Variants in DPP10 observed in about 807,000 individuals in gnomAD.
DPP10 encodes the protein dipeptidyl peptidase like 10.
A neutral mutation model predicts 120.9 loss-of-function variants in DPP10; 33 were observed. The ratio of observed to expected loss-of-function variants is 0.27; its 90% CI spans 0.21 to 0.37. The LOEUF (loss-of-function observed/expected upper bound fraction) is 0.37, where lower values mean the gene tolerates loss of function less well. Ranked by LOEUF, DPP10 falls within the 10% of genes least tolerant of loss-of-function variation. The pLI is 1.00. For missense variants in DPP10, 816 were observed against 942.8 expected, an observed-to-expected ratio of 0.87 and a Z score of 1.76; for synonymous variants, 337 against 326.1, an observed-to-expected ratio of 1.03 and a Z score of -0.36.
chr2:114,943,773 G>T (rs954829032), intron 1 of DPP10, among the ~76,000 whole-genome samples: 1 of 152,116 alleles, frequency 6.6e-6, no homozygotes, highest in African/African-American at 2.4e-5. Flanking sequence ...AGTTATAAAA[G>T]TATTTTAAAA....
intron 1 of DPP10, chr2:114,834,179 C>T (rs1574299770): frequency 7.2e-6 from 1 of 138,358 alleles, no homozygotes; most frequent in South Asian, 2.3e-4. Flanking sequence ...GCCATATCTA[C>T]ACACCTATGT....
At chr2:115,160,699 G>A (rs1410301525) in intron 1 of DPP10, among the ~76,000 whole-genome samples, 1 of 152,336 alleles carries the variant, frequency 6.6e-6, no homozygotes, top group East Asian at 1.9e-4. Context: ...GCGCCCTAGG[G>A]AAAGCCACGT....
chr2:115,590,414 G>A (rs943429472), intron 5 of DPP10, among the ~76,000 whole-genome samples: 8 of 152,020 alleles, frequency 5.3e-5, no homozygotes, highest in Non-Finnish European at 8.8e-5. Context: ...GAGAACATGC[G>A]GTGTTTGGTT....
At chr2:115,184,389 A>G (rs2054287444) in intron 1 of DPP10, among the ~76,000 whole-genome samples, 1 of 152,222 alleles carries the variant, frequency 6.6e-6, no homozygotes, top group African/African-American at 2.4e-5. Context: ...AGAAGGGGAA[A>G]GTAAAGAAAA....
intron 5 of DPP10, among the ~76,000 whole-genome samples, chr2:115,654,037 A>C (rs1288031560): frequency 6.6e-6 from 1 of 151,864 alleles, no homozygotes; most frequent in Non-Finnish European, 1.5e-5. Context: ...AAATTCGTAA[A>C]GCCCTACAAC....
intron 5 of DPP10, among the ~76,000 whole-genome samples, chr2:115,575,098 A>T (rs929168280): frequency 1.3e-5 from 2 of 152,210 alleles, no homozygotes; most frequent in Non-Finnish European, 2.9e-5. Context: ...AGAATCCTTC[A>T]GTTGCCCTGC....
chr2:115,821,243 TAA>T, intron 21 of DPP10, among the ~76,000 whole-genome samples: 5 of 152,180 alleles, frequency 3.3e-5, no homozygotes, highest in African/African-American at 1.2e-4. Flanking sequence ...TTCTCCTTAT[TAA>T]TTTTTCTAAG....
At chr2:114,452,549 A>G (rs1678347202) in intron 1 of DPP10, among the ~76,000 whole-genome samples, 2 of 152,138 alleles carry the variant, frequency 1.3e-5, no homozygotes, top group African/African-American at 4.8e-5. Flanking sequence ...AAACGTGAGC[A>G]TTGTCCATTC....
At chr2:115,257,294 G>A (rs751333820) in intron 1 of DPP10, among the ~76,000 whole-genome samples, 4 of 152,006 alleles carry the variant, frequency 2.6e-5, no homozygotes, top group Non-Finnish European at 4.4e-5. Flanking sequence ...GGACATTCTC[G>A]TGTTGCTGTA....
intron 7 of DPP10, among the ~76,000 whole-genome samples, chr2:115,697,590 A>G (rs1391378779): frequency 1.3e-5 from 2 of 151,702 alleles, no homozygotes; most frequent in Admixed American, 6.6e-5. Context: ...GAATATATAT[A>G]TATATATATT....
chr2:114,676,884 A>G (rs750764971), intron 1 of DPP10, among the ~76,000 whole-genome samples: 26 of 152,264 alleles, frequency 1.7e-4, no homozygotes, highest in Admixed American at 7.2e-4. Flanking sequence ...TGAAAAATAT[A>G]TTTAACTACT....
At chr2:115,216,450 A>T (rs1438418398) in intron 1 of DPP10, among the ~76,000 whole-genome samples, 1 of 152,176 alleles carries the variant, frequency 6.6e-6, no homozygotes, top group Non-Finnish European at 1.5e-5. Flanking sequence ...ATATGTACGT[A>T]AGTGTGTATG....
At chr2:114,670,429 G>A (rs1460266636) in intron 1 of DPP10, among the ~76,000 whole-genome samples, 5 of 150,918 alleles carry the variant, frequency 3.3e-5, no homozygotes, top group South Asian at 2.1e-4. Context: ...CTATCGCAAG[G>A]ACAAAAAACC....
chr2:115,018,454 C>T (rs1183353567), intron 1 of DPP10, among the ~76,000 whole-genome samples: 2 of 152,088 alleles, frequency 1.3e-5, no homozygotes, highest in African/African-American at 4.8e-5. Flanking sequence ...TTGGAACCAA[C>T]CCAAATGTCC....
At chr2:115,192,381 T>C (rs1013370462) in intron 1 of DPP10, among the ~76,000 whole-genome samples, 1 of 152,220 alleles carries the variant, frequency 6.6e-6, no homozygotes, top group African/African-American at 2.4e-5. Flanking sequence ...GGGTAATCTT[T>C]TACTAAGCAA....
intron 1 of DPP10, among the ~76,000 whole-genome samples, chr2:114,571,649 T>G (rs867025743): frequency 5.9e-5 from 9 of 152,048 alleles, no homozygotes; most frequent in South Asian, 4.1e-4. Context: ...AAAATGTGCT[T>G]TCTATTGATG....
chr2:115,006,385 A>G (rs1406639301), intron 1 of DPP10, among the ~76,000 whole-genome samples: 1 of 152,070 alleles, frequency 6.6e-6, no homozygotes, highest in Non-Finnish European at 1.5e-5. Context: ...TTTAAATGTA[A>G]ATGGACTAAA....
chr2:114,704,267 A>G (rs1700556494), intron 1 of DPP10, among the ~76,000 whole-genome samples: 1 of 152,150 alleles, frequency 6.6e-6, no homozygotes, highest in South Asian at 2.1e-4. Flanking sequence ...CAAAGATGGA[A>G]AGGATCCGTG....
At chr2:114,965,964 C>CAAAAAAAAAAAAAAAAAA (rs57107624) in intron 1 of DPP10, among the ~76,000 whole-genome samples, 30 of 74,776 alleles carry the variant, frequency 4.0e-4, no homozygotes, top group South Asian at 2.1e-3. Flanking sequence ...GACTCCTTCT[C>CAAAAAAAAAAAAAAAAAA]AAAAAAAAAA....
Sources: allele counts gnomAD v4.1 joint callset (sites outside exome capture counted in the v4.1 genomes callset), GRCh38; gene constraint gnomAD v4.1.1; transcripts MANE v1.5; gene names NCBI Gene and HGNC (gene_info 2026-07-23, HGNC 2026-07-21).